Variants in PTPRN2 observed in about 807,000 individuals in gnomAD.
The protein encoded by PTPRN2 is protein tyrosine phosphatase receptor type N2, also known as receptor-type tyrosine-protein phosphatase N2.
Under a neutral mutation model 118.8 loss-of-function variants are expected in PTPRN2, and 74 were observed. The observed-to-expected ratio is 0.62, with a 90% confidence interval of 0.52 to 0.76. PTPRN2 has a LOEUF of 0.76. Among genes scored for constraint, PTPRN2 ranks in the 30% least tolerant of loss-of-function variants. The pLI is 0.00. For synonymous variants in PTPRN2, 641 were observed against 608.0 expected (o/e 1.05, Z -0.80); for missense variants, 1,481 against 1,394.4 (o/e 1.06, Z -0.99).
chr7:158,080,579 T>TAAAAAAAAAAA (rs372522598), intron 11 of PTPRN2, among the ~76,000 whole-genome samples: 1 of 141,866 alleles, frequency 7.0e-6, no homozygotes. Context: ...TCAACAAGTT[T>TAAAAAAAAAAA]AAAAAAAAAA....
At chr7:158,490,441 C>T (rs1304247933) in intron 1 of PTPRN2, among the ~76,000 whole-genome samples, 5 of 152,210 alleles carry the variant, frequency 3.3e-5, no homozygotes, top group Non-Finnish European at 7.4e-5. Flanking sequence ...CCAGAAGCTC[C>T]GCGGTGCCTG....
At position 157,953,678 on chromosome 7, in the gene PTPRN2, T is replaced by A. The variant is rs1359227047; in HGVS notation, c.1724-54941A>T. ...CACAGACATCTCATTTTTTCAGAGC[T>A]GCATCATCAGAGCAGTTGGGGGACA... On this transcript the variant is annotated intron_variant, in intron 11 of 22. Coordinates refer to ENST00000389418, the MANE Select transcript of PTPRN2 (RefSeq NM_002847.5). The surrounding 1 kb of genome is among the most constrained non-coding windows in gnomAD (Gnocchi z 4.6). Among the ~76,000 whole-genome samples, 1 of 152,006 alleles carries A rather than the reference T, an allele frequency of 6.6e-6. No individual in the cohort carries two copies. Among genetic ancestry groups the A allele is most frequent in the Non-Finnish European group, 1.5e-5 (1 of 68,014 alleles).
At chr7:158,275,966 G>A (rs560304025) in intron 3 of PTPRN2, among the ~76,000 whole-genome samples, 3 of 152,270 alleles carry the variant, frequency 2.0e-5, no homozygotes, top group South Asian at 2.1e-4. Flanking sequence ...TCCAGAAAAC[G>A]TCTTGCTGTC....
At chr7:158,323,668 C>T (rs28425474) in intron 2 of PTPRN2, among the ~76,000 whole-genome samples, 61,844 of 152,000 alleles carry the variant, frequency 0.41, 12,784 homozygotes, top group Middle Eastern at 0.48. Context: ...TTGTTTTAAA[C>T]AGTGGTCCTT....
intron 10 of PTPRN2, among the ~76,000 whole-genome samples, chr7:158,107,285 C>G (rs1806270): frequency 6.6e-6 from 1 of 152,144 alleles, no homozygotes; most frequent in African/African-American, 2.4e-5. Context: ...ATCCAGGTAC[C>G]TGAAACAAAC....
chr7:157,672,493 A>G (rs1796465247), intron 13 of PTPRN2, among the ~76,000 whole-genome samples: 1 of 152,136 alleles, frequency 6.6e-6, no homozygotes, highest in Non-Finnish European at 1.5e-5. Context: ...ACTCAGGAAC[A>G]TCCGATCTCT....
intron 12 of PTPRN2, among the ~76,000 whole-genome samples, chr7:157,834,325 A>C (rs1398784834): frequency 7.8e-6 from 1 of 128,760 alleles, no homozygotes; most frequent in African/African-American, 3.3e-5. Flanking sequence ...GTGAGCCAGC[A>C]GCACTCCCTG....
chr7:158,194,444 C>A (rs777860522), intron 4 of PTPRN2, among the ~76,000 whole-genome samples: 2 of 152,224 alleles, frequency 1.3e-5, no homozygotes, highest in Non-Finnish European at 2.9e-5. Flanking sequence ...GAACCTGCCG[C>A]CCTCAGCAAT....
At chr7:157,721,691 G>A (rs1365177260) in intron 12 of PTPRN2, among the ~76,000 whole-genome samples, 2 of 152,188 alleles carry the variant, frequency 1.3e-5, no homozygotes, top group African/African-American at 4.8e-5. Context: ...CGACACTGTG[G>A]CTGCAGCACG....
rs1361342151 is a variant in PTPRN2, at chr7:158,192,391, G to A, written c.485C>T (p.Ser162Phe). 11 of 1,532,930 alleles carry A rather than the reference G, an allele frequency of 7.2e-6. No individual in the cohort carries two copies. Among genetic ancestry groups the A allele is most frequent in the South Asian group, 2.6e-5 (2 of 77,248 alleles). 95.0% of individuals were successfully genotyped at this position (1,532,930 alleles called of 1,614,324 possible). A position where few individuals can be genotyped will look rare whatever the true frequency, so the allele number is the denominator to read the frequency against. Reference sequence around the variant, plus strand: ...GAGCACGTCTGAGGCTGGGGCCTGGGACAGGGCCTCCAGGAAGGGCAGGTG... The same window carrying A: ...GAGCACGTCTGAGGCTGGGGCCTGGAACAGGGCCTCCAGGAAGGGCAGGTG... The part of the protein sequence containing the change: ...RRHLPFLEAL[S>F]QAPASDVLAR... Residue 162 changes from serine to phenylalanine, a missense_variant, in exon 5 of 23, where the codon TCC becomes TTC. Physicochemically the swap from Ser to Phe is radical, Grantham distance 155 (BLOSUM62 -2). Around this residue, in one of 3 missense-constraint regions of PTPRN2, gnomAD observed 1,115 missense variants for 994.2 expected, o/e 1.12. Coordinates refer to ENST00000389418, the MANE Select transcript of PTPRN2 (RefSeq NM_002847.5).
At chr7:158,071,296 T>C (rs866359545) in intron 11 of PTPRN2, among the ~76,000 whole-genome samples, 59 of 98,100 alleles carry the variant, frequency 6.0e-4, no homozygotes, top group African/African-American at 1.1e-3. Flanking sequence ...GTGGAGGTGC[T>C]CGTGGTGGAG....
chr7:157,727,622 G>A (rs151045798), intron 12 of PTPRN2, among the ~76,000 whole-genome samples: 41 of 152,316 alleles, frequency 2.7e-4, no homozygotes, highest in African/African-American at 8.4e-4. Flanking sequence ...CTCGCACAAC[G>A]TTGTGAACAC....
intron 12 of PTPRN2, among the ~76,000 whole-genome samples, chr7:157,846,801 A>G (rs62476428): frequency 0.24 from 5,907 of 24,268 alleles, 1 homozygote; most frequent in East Asian, 0.33. Context: ...CGTGCCCGAT[A>G]TCTACAGAGC....
At chr7:157,821,409 G>C (rs982173844) in intron 12 of PTPRN2, among the ~76,000 whole-genome samples, 3 of 152,208 alleles carry the variant, frequency 2.0e-5, no homozygotes, top group African/African-American at 7.2e-5. Context: ...GTGGTGTCTG[G>C]AGAGAAGTGT....
intron 6 of PTPRN2, among the ~76,000 whole-genome samples, chr7:158,159,671 G>T (rs1699942910): frequency 7.4e-6 from 1 of 135,908 alleles, no homozygotes; most frequent in Admixed American, 7.6e-5. Flanking sequence ...ATTTGTCATT[G>T]GTTCATTTAG....
rs934860048 is a variant in PTPRN2 at position 158,358,444 on chromosome 7, A to T, written c.164-41512T>A. 6.6e-5 allele frequency among the ~76,000 whole-genome samples: 10 copies of T among 152,324 alleles called. No homozygotes were observed. The East Asian group carries it at 9.6e-4, about 15-fold the overall frequency. ...TTATCACAATATTCGGCCGACGGAA[A>T]TGGTTTCATGAAAATTTACCAGACT... On this transcript the variant is annotated intron_variant, in intron 2 of 22. Transcript: ENST00000389418.
Position 157,726,985 on chromosome 7 carries a change from G to GA in PTPRN2, c.1789-44049dup, listed in dbSNP as rs577699025. 1.9e-3 allele frequency among the ~76,000 whole-genome samples: 296 copies of GA among 152,164 alleles called. 2 individuals are homozygous for GA. The highest frequency in any genetic ancestry group is 6.7e-3 in the African/African-American group (280 of 41,506). Reference sequence around the variant, plus strand: ...TCATGCCATGTGCGTGACTCTTACCGAAAAAAACAGAAAGTAACAGGTGCT... The same window carrying GA: ...TCATGCCATGTGCGTGACTCTTACCGAAAAAAAACAGAAAGTAACAGGTGCT... On this transcript the variant is annotated intron_variant, in intron 12 of 22. Coordinates refer to ENST00000389418, the MANE Select transcript of PTPRN2 (RefSeq NM_002847.5).
chr7:157,942,977 C>T (rs371059908), intron 11 of PTPRN2, among the ~76,000 whole-genome samples: 9 of 152,152 alleles, frequency 5.9e-5, no homozygotes, highest in South Asian at 2.1e-4. Flanking sequence ...CCTCACTTGA[C>T]GAGGATCTGC....
Position 158,529,629 on chromosome 7 carries a change from G to A in PTPRN2, c.113-39844C>T, listed in dbSNP as rs754712603. 1.3e-5 allele frequency among the ~76,000 whole-genome samples: 2 copies of A among 152,236 alleles called. No individual in the cohort carries two copies. Among genetic ancestry groups the A allele is most frequent in the African/African-American group, 4.8e-5 (2 of 41,466 alleles). ...GTGAGTCTGGGCTCCAATCAGCAGC[G>A]AAGATGCAGTGTGGGAATGACAGCA... is the stretch of plus-strand genomic sequence containing the variant. On this transcript the variant is annotated intron_variant, in intron 1 of 22. Transcript: ENST00000389418. This position sits in a 1 kb window ranked among gnomAD's most constrained non-coding sequence, Gnocchi z 4.7.
Sources: gnomAD v4.1 joint callset for allele counts (sites outside exome capture counted in the v4.1 genomes callset) on GRCh38, gnomAD v4.1.1 for gene constraint, gnomAD v4.1.1 regional missense constraint, Gnocchi (gnomAD v3.1) non-coding constraint, MANE v1.5 for transcripts, NCBI Gene and HGNC (gene_info 2026-07-23, HGNC 2026-07-21) for gene names.